The following NOX4 variants were observed in gnomAD, a reference collection of about 807,000 sequenced individuals.
NOX4 encodes kidney oxidase-1.
In NOX4, 69 loss-of-function variants were observed where a neutral mutation model predicts 87.6. The ratio of observed to expected loss-of-function variants is 0.79; its 90% CI spans 0.65 to 0.96. NOX4 has a LOEUF of 0.96. Among genes scored for constraint, NOX4 ranks in the 40% least tolerant of loss-of-function variants. The pLI is 0.00. For missense variants in NOX4, 680 were observed against 681.5 expected (o/e 1.00, Z 0.02); for synonymous variants, 275 against 238.2 (o/e 1.15, Z -1.42).
intron 2 of NOX4, among the ~76,000 whole-genome samples, chr11:89,482,039 C>T (rs1946411237): frequency 6.6e-6 from 1 of 152,048 alleles, no homozygotes; most frequent in Non-Finnish European, 1.5e-5. Context: ...ATTGATGCTA[C>T]TCCTCAGAGG....
At chr11:89,423,409 A>G (rs912044526) in intron 7 of NOX4, among the ~76,000 whole-genome samples, 5 of 152,140 alleles carry the variant, frequency 3.3e-5, no homozygotes, top group Non-Finnish European at 7.3e-5. Context: ...TGTAATTTAG[A>G]TAGACCTACA....
intron 8 of NOX4, among the ~76,000 whole-genome samples, chr11:89,421,183 T>G (rs1274757870): frequency 6.6e-6 from 1 of 152,162 alleles, no homozygotes; most frequent in Non-Finnish European, 1.5e-5. Flanking sequence ...GCTGCCAGAC[T>G]TATTATGTCA....
intron 2 of NOX4, among the ~76,000 whole-genome samples, chr11:89,480,324 C>G (rs561529834): frequency 6.6e-6 from 1 of 152,216 alleles, no homozygotes; most frequent in African/African-American, 2.4e-5. Context: ...TGTCATGGCA[C>G]CATGACTGGA....
intron 2 of NOX4, among the ~76,000 whole-genome samples, chr11:89,459,478 C>A (rs1209139201): frequency 6.6e-6 from 1 of 152,092 alleles, no homozygotes; most frequent in Non-Finnish European, 1.5e-5. Context: ...GATACAAAAT[C>A]AATGTGTAAA....
intron 17 of NOX4, among the ~76,000 whole-genome samples, chr11:89,328,710 T>C (rs72965077): frequency 0.093 from 14,080 of 152,136 alleles, 991 homozygotes; most frequent in African/African-American, 0.19. Context: ...GTTCTAATCC[T>C]CAGTGCTTCA....
intron 7 of NOX4, among the ~76,000 whole-genome samples, chr11:89,431,965 T>C (rs559398155): frequency 3.3e-5 from 5 of 152,156 alleles, no homozygotes; most frequent in Admixed American, 6.6e-5. Context: ...TGTCCATCAA[T>C]GATAGACTGG....
chr11:89,403,738 C>T (rs750215840), intron 8 of NOX4, among the ~76,000 whole-genome samples: 11 of 152,044 alleles, frequency 7.2e-5, no homozygotes, highest in Non-Finnish European at 1.0e-4. Context: ...AGCGAAACTC[C>T]GTCTCAAAAA....
chr11:89,495,435 C>CAGAGA (rs1335936114), upstream of NOX4, among the ~76,000 whole-genome samples: 4 of 152,102 alleles, frequency 2.6e-5, no homozygotes, highest in Non-Finnish European at 4.4e-5. Context: ...TCAAATCACC[C>CAGAGA]TCTGCCTCTC....
the NOX4 span, among the ~76,000 whole-genome samples, chr11:89,568,359 T>G: frequency 2.0e-5 from 3 of 152,070 alleles, no homozygotes; most frequent in Non-Finnish European, 4.4e-5. Flanking sequence ...TAAAGAAAAC[T>G]GAAGATCGAA....
At chr11:89,580,977 T>G in the NOX4 span, among the ~76,000 whole-genome samples, 11 of 152,152 alleles carry the variant, frequency 7.2e-5, no homozygotes, top group African/African-American at 2.4e-4. Context: ...TTCAGTGGAT[T>G]TGAAAAATGG....
At chr11:89,478,523 G>A (rs766517815) in intron 2 of NOX4, among the ~76,000 whole-genome samples, 1 of 152,184 alleles carries the variant, frequency 6.6e-6, no homozygotes, top group East Asian at 1.9e-4. Flanking sequence ...TATTTGAGCT[G>A]ATAGACACTA....
At chr11:89,421,206 T>C (rs1412520643) in intron 8 of NOX4, among the ~76,000 whole-genome samples, 1 of 152,186 alleles carries the variant, frequency 6.6e-6, no homozygotes, top group Admixed American at 6.5e-5. Context: ...CAGGTGTGAA[T>C]GTCACGCCAA....
At chr11:89,521,217 T>C in the NOX4 span, among the ~76,000 whole-genome samples, 1 of 152,058 alleles carries the variant, frequency 6.6e-6, no homozygotes, top group African/African-American at 2.4e-5. Flanking sequence ...TGACCCTGAA[T>C]AGCCAAAGCA....
At chr11:89,500,272 A>G (rs910133713), upstream of NOX4, among the ~76,000 whole-genome samples, 21 of 152,084 alleles carry the variant, frequency 1.4e-4, no homozygotes, top group African/African-American at 3.9e-4. Flanking sequence ...TTTTGCCTGG[A>G]GACCCTTTTG....
intron 8 of NOX4, among the ~76,000 whole-genome samples, chr11:89,416,665 C>T (rs1942792793): frequency 6.6e-6 from 1 of 152,142 alleles, no homozygotes; most frequent in African/African-American, 2.4e-5. Context: ...AAACTATCCG[C>T]CTATGACACT....
At chr11:89,415,313 G>A (rs1157693232) in intron 8 of NOX4, among the ~76,000 whole-genome samples, 1 of 151,920 alleles carries the variant, frequency 6.6e-6, no homozygotes, top group East Asian at 1.9e-4. Flanking sequence ...TATTTGTCAA[G>A]TTCTTTTTCC....
chr11:89,560,153 C>A, the NOX4 span, among the ~76,000 whole-genome samples: 5 of 151,998 alleles, frequency 3.3e-5, no homozygotes, highest in Non-Finnish European at 5.9e-5. Context: ...AAGATGAACA[C>A]ATGAAGATAA....
upstream of NOX4, among the ~76,000 whole-genome samples, chr11:89,493,290 CAGA>C (rs1946905951): frequency 6.6e-6 from 1 of 151,712 alleles, no homozygotes; most frequent in African/African-American, 2.4e-5. Context: ...GAGGCTGAGG[CAGA>C]AGAATTGCTT....
intron 7 of NOX4, among the ~76,000 whole-genome samples, chr11:89,428,660 GCTAA>G (rs1943594091): frequency 6.6e-6 from 1 of 152,068 alleles, no homozygotes; most frequent in African/African-American, 2.4e-5. Flanking sequence ...AACAAGAAGA[GCTAA>G]CTATCCTAAA....
Sources: gnomAD v4.1 joint callset for allele counts (sites outside exome capture counted in the v4.1 genomes callset) on GRCh38, gnomAD v4.1.1 for gene constraint, MANE v1.5 for transcripts, NCBI Gene and HGNC (gene_info 2026-07-23, HGNC 2026-07-21) for gene names.